Variants in C8orf34 observed in about 807,000 individuals in gnomAD.
C8orf34 encodes uncharacterized protein C8orf34.
A neutral mutation model predicts 68.3 loss-of-function variants in C8orf34; 65 were observed. The observed-to-expected ratio is 0.95, with a 90% CI of 0.78 to 1.17. The LOEUF (loss-of-function observed/expected upper bound fraction) is 1.17, where lower values mean the gene tolerates loss of function less well. Among genes scored for constraint, C8orf34 ranks in the 50% most tolerant of loss-of-function variants. The pLI, the probability that C8orf34 is intolerant of heterozygous loss-of-function variation, is 0.00. For missense variants in C8orf34, 664 were observed against 655.4 expected (o/e 1.01, Z -0.14); for synonymous variants, 244 against 241.2 (o/e 1.01, Z -0.11).
chr8:68,578,644 A>G (rs1488636149), intron 7 of C8orf34, among the ~76,000 whole-genome samples: 1 of 151,006 alleles, frequency 6.6e-6, no homozygotes, highest in South Asian at 2.1e-4. Flanking sequence ...ATTAAATACT[A>G]TATATATATA....
intron 7 of C8orf34, among the ~76,000 whole-genome samples, chr8:68,595,561 ATTTC>A (rs1347454533): frequency 1.3e-5 from 2 of 151,858 alleles, no homozygotes; most frequent in African/African-American, 4.8e-5. Context: ...TGTGGGGGGA[ATTTC>A]TTTCTTTTAA....
chr8:68,731,696 G>T (rs1197249651), intron 10 of C8orf34, among the ~76,000 whole-genome samples: 2 of 151,964 alleles, frequency 1.3e-5, no homozygotes, highest in African/African-American at 4.8e-5. Context: ...CTATCTATTA[G>T]TCTAATTCTA....
intron 10 of C8orf34, among the ~76,000 whole-genome samples, chr8:68,762,937 C>CCACA (rs1286478625): frequency 6.6e-6 from 1 of 152,086 alleles, no homozygotes; most frequent in Non-Finnish European, 1.5e-5. Context: ...ATCGCAGGGC[C>CCACA]CACACTCTGT....
chr8:68,618,450 A>T (rs1228565690), intron 7 of C8orf34, among the ~76,000 whole-genome samples: 1 of 152,130 alleles, frequency 6.6e-6, no homozygotes, highest in Non-Finnish European at 1.5e-5. Context: ...CCCAGGCTCA[A>T]CAGATCCTCC....
intron 1 of C8orf34, among the ~76,000 whole-genome samples, chr8:68,358,015 C>T (rs1352475883): frequency 6.6e-6 from 1 of 152,076 alleles, no homozygotes; most frequent in Non-Finnish European, 1.5e-5. Context: ...TTATCTTTTT[C>T]ACTCCTTTGT....
chr8:68,476,105 T>G (rs1039985824), intron 4 of C8orf34, among the ~76,000 whole-genome samples: 2 of 152,314 alleles, frequency 1.3e-5, no homozygotes, highest in East Asian at 3.9e-4. Context: ...TAACTATGCA[T>G]GAGAGAAAAT....
chr8:68,814,989 G>C (rs1824767737), intron 12 of C8orf34, among the ~76,000 whole-genome samples: 1 of 152,158 alleles, frequency 6.6e-6, no homozygotes, highest in African/African-American at 2.4e-5. Flanking sequence ...GATATAGTAT[G>C]ATGTTGTCCA....
chr8:68,501,528 C>G (rs556820276), intron 5 of C8orf34, among the ~76,000 whole-genome samples: 1 of 152,292 alleles, frequency 6.6e-6, no homozygotes, highest in East Asian at 1.9e-4. Context: ...AAGGAAAGGT[C>G]TTTGCTGCCA....
intron 6 of C8orf34, among the ~76,000 whole-genome samples, chr8:68,523,033 G>C (rs1814825207): frequency 6.6e-6 from 1 of 152,148 alleles, no homozygotes. Flanking sequence ...AGGAAATTCA[G>C]AATACTCATT....
intron 10 of C8orf34, among the ~76,000 whole-genome samples, chr8:68,730,595 G>GA (rs762839997): frequency 6.6e-6 from 1 of 152,000 alleles, no homozygotes; most frequent in South Asian, 2.1e-4. Flanking sequence ...TTTGCATAGG[G>GA]AAAAAATGGC....
At chr8:68,410,033 CTG>C (rs1471052696) in intron 1 of C8orf34, among the ~76,000 whole-genome samples, 4 of 152,182 alleles carry the variant, frequency 2.6e-5, no homozygotes, top group African/African-American at 9.6e-5. Flanking sequence ...TAAGTGCACA[CTG>C]TGATGTTCCC....
intron 1 of C8orf34, among the ~76,000 whole-genome samples, chr8:68,354,983 G>GA (rs111473535): frequency 0.017 from 2,510 of 145,260 alleles, 70 homozygotes; most frequent in East Asian, 0.1. Context: ...ATCTTATTTG[G>GA]AAAAAAAAAA....
At chr8:68,432,096 CTG>C (rs1042053290) in intron 1 of C8orf34, among the ~76,000 whole-genome samples, 11 of 151,970 alleles carry the variant, frequency 7.2e-5, no homozygotes, top group Non-Finnish European at 1.5e-4. Flanking sequence ...GTGGCTATGA[CTG>C]TGTGCATTGG....
intron 8 of C8orf34, among the ~76,000 whole-genome samples, chr8:68,661,483 A>C (rs1437362260): frequency 2.0e-5 from 3 of 152,196 alleles, no homozygotes; most frequent in African/African-American, 7.2e-5. Context: ...TGAAGAGTGA[A>C]TGGAATAGAA....
chr8:68,587,234 T>A (rs781362866), intron 7 of C8orf34, among the ~76,000 whole-genome samples: 3 of 152,148 alleles, frequency 2.0e-5, no homozygotes, highest in Admixed American at 6.6e-5. Flanking sequence ...TGAAATGTCA[T>A]GTGTCAAACT....
At chr8:68,681,096 C>T (rs1820356725) in intron 8 of C8orf34, among the ~76,000 whole-genome samples, 1 of 152,080 alleles carries the variant, frequency 6.6e-6, no homozygotes, top group Non-Finnish European at 1.5e-5. Context: ...GCAGTCAGAC[C>T]TTATGGTTGT....
In C8orf34 at chr8:68,331,783, CTTTTTTTTTT is replaced by C. The variant is rs552564162; in HGVS notation, c.327+464_327+473del. On this transcript the variant is annotated intron_variant, in intron 1 of 13. Coordinates refer to ENST00000518698, the MANE Select transcript of C8orf34 (RefSeq NM_052958.4). ...CTTTTTTCTTTTCTTTTCTTTCCTT[CTTTTTTTTTT>C]TTTTTTTTTTTTTTTTTTTAATGAG... Among the ~76,000 whole-genome samples, 55 of 29,510 alleles carry C rather than the reference CTTTTTTTTTT, an allele frequency of 1.9e-3. 1 individual carries two copies. Among genetic ancestry groups the C allele is most frequent in the Non-Finnish European group, 2.9e-3 (42 of 14,634 alleles). 19.4% of individuals were successfully genotyped at this position (29,510 alleles called of 152,430 possible). A position where few individuals can be genotyped will look rare whatever the true frequency, so the allele number is the denominator to read the frequency against.
rs61067930 is a variant in C8orf34 at position 68,794,476 on chromosome 8, AATATAAATATATAT to A, written c.1549+6946_1549+6959del. ...CATGAATCATTGTGCCCAGTATATA[AATATAAATATATAT>A]ATATATATATATATATTTTTTTTTT... On this transcript the variant is annotated intron_variant, in intron 12 of 13. Coordinates refer to ENST00000518698, the MANE Select transcript of C8orf34 (RefSeq NM_052958.4). Among the ~76,000 whole-genome samples the A allele has an allele frequency of 3.3e-3, 364 of 111,618 alleles. 33 individuals carry two copies. Among genetic ancestry groups the A allele is most frequent in the South Asian group, 1.0e-2 (39 of 3,904 alleles). The allele number at this position is 111,618 out of a possible 152,430, so 73.2% of individuals were successfully genotyped here. A position where few individuals can be genotyped will look rare whatever the true frequency, so the allele number is the denominator to read the frequency against.
At chr8:68,721,336 A>G in intron 9 of C8orf34, 25 bp from the exon 10 acceptor site, 1 of 1,462,578 alleles carries the variant, frequency 6.8e-7, no homozygotes, top group African/African-American at 1.4e-5. Flanking sequence ...AGTATAATTT[A>G]TTCATTTTTT....
Sources: gnomAD v4.1 joint callset for allele counts (sites outside exome capture counted in the v4.1 genomes callset) on GRCh38, gnomAD v4.1.1 for gene constraint, MANE v1.5 for transcripts, NCBI Gene and HGNC (gene_info 2026-07-23, HGNC 2026-07-21) for gene names.